RBMS3: variants seen among roughly 807,000 people sequenced by gnomAD.
RBMS3 encodes RNA-binding motif, single-stranded-interacting protein 3.
RBMS3 carries 27 observed loss-of-function variants against 66.8 expected under a neutral mutation model. That is an observed-to-expected ratio of 0.40 (90% CI 0.30 to 0.56). The LOEUF (loss-of-function observed/expected upper bound fraction) is 0.56. RBMS3 is among the 20% of genes least tolerant of loss of function. The pLI is 0.40. For synonymous variants in RBMS3, 188 were observed against 183.0 expected, an observed-to-expected ratio of 1.03 and a Z score of -0.22; for missense variants, 513 against 549.5, an observed-to-expected ratio of 0.93 and a Z score of 0.66.
intron 4 of RBMS3, among the ~76,000 whole-genome samples, chr3:29,697,823 A>T (rs2052349651): frequency 1.3e-5 from 2 of 152,186 alleles, no homozygotes; most frequent in Admixed American, 1.3e-4. Flanking sequence ...GGAATTTTGC[A>T]GTTGTGCATC....
intron 4 of RBMS3, among the ~76,000 whole-genome samples, chr3:29,721,324 G>T (rs1266091566): frequency 2.6e-5 from 4 of 151,932 alleles, no homozygotes; most frequent in African/African-American, 9.7e-5. Context: ...ATTTATATAA[G>T]ATATATATGA....
chr3:29,879,381 AT>A (rs908281168), intron 7 of RBMS3, among the ~76,000 whole-genome samples: 3 of 152,100 alleles, frequency 2.0e-5, no homozygotes, highest in Non-Finnish European at 4.4e-5. Context: ...TTTTTATTGA[AT>A]TTTTAATCTT....
intron 6 of RBMS3, among the ~76,000 whole-genome samples, chr3:29,860,727 T>C (rs950876695): frequency 2.0e-4 from 31 of 152,228 alleles, no homozygotes; most frequent in Admixed American, 1.5e-3. Context: ...AAATAAAAGA[T>C]GGACTGTGTT....
chr3:29,635,862 C>T (rs2049453288), intron 4 of RBMS3, among the ~76,000 whole-genome samples: 1 of 151,764 alleles, frequency 6.6e-6, no homozygotes. Context: ...AATCCATGTC[C>T]CAAATCTCCT....
Position 29,991,259 on chromosome 3 carries a change from C to T in RBMS3, c.1307+50C>T, listed in dbSNP as rs754124899. 7 of 1,612,262 alleles carry T rather than the reference C, an allele frequency of 4.3e-6. No individual in the cohort carries two copies. The African/African-American group carries it at 9.3e-5, about 22-fold the overall frequency. On this transcript the variant is annotated intron_variant, in intron 14 of 14. Transcript: ENST00000383767. ...TTTTCCTCAAGATCAGCCATCTTGA[C>T]ATCACTCTCTCATGTTGTATGTGTT...
chr3:29,652,582 G>A (rs2050184599), intron 4 of RBMS3, among the ~76,000 whole-genome samples: 1 of 151,996 alleles, frequency 6.6e-6, no homozygotes, highest in South Asian at 2.1e-4. Flanking sequence ...CATAGAATCA[G>A]AGACAAAATT....
chr3:29,855,472 T>G (rs1577003382), intron 6 of RBMS3, among the ~76,000 whole-genome samples: 1 of 152,314 alleles, frequency 6.6e-6, no homozygotes, highest in East Asian at 1.9e-4. Context: ...CTTCTTTGAT[T>G]ATGATTATTT....
At chr3:29,728,763 A>T (rs1465466562) in intron 4 of RBMS3, among the ~76,000 whole-genome samples, 4 of 151,986 alleles carry the variant, frequency 2.6e-5, no homozygotes, top group Non-Finnish European at 4.4e-5. Flanking sequence ...TCCTTCACTT[A>T]GACTGACAGA....
At chr3:29,670,470 T>C (rs1441997795) in intron 4 of RBMS3, among the ~76,000 whole-genome samples, 1 of 152,014 alleles carries the variant, frequency 6.6e-6, no homozygotes, top group African/African-American at 2.4e-5. Context: ...CACTCGGGAA[T>C]CACAAGGGGT....
intron 4 of RBMS3, among the ~76,000 whole-genome samples, chr3:29,719,627 G>A (rs953656949): frequency 6.6e-6 from 1 of 152,104 alleles, no homozygotes; most frequent in Admixed American, 6.6e-5. Context: ...ATTCAAAGTA[G>A]AGTTGTAGAT....
At chr3:29,329,835 CAT>C (rs988729577) in intron 1 of RBMS3, among the ~76,000 whole-genome samples, 5 of 147,222 alleles carry the variant, frequency 3.4e-5, no homozygotes, top group South Asian at 2.1e-4. Flanking sequence ...TTTTATAAAT[CAT>C]GTGAAAAATT....
At chr3:29,509,520 A>T (rs973742472) in intron 3 of RBMS3, among the ~76,000 whole-genome samples, 2 of 152,190 alleles carry the variant, frequency 1.3e-5, no homozygotes, top group Non-Finnish European at 2.9e-5. Context: ...GATTTGGGAT[A>T]TAAATTCAGG....
At chr3:29,873,430 G>A (rs903906899) in intron 7 of RBMS3, among the ~76,000 whole-genome samples, 8 of 152,066 alleles carry the variant, frequency 5.3e-5, no homozygotes, top group Non-Finnish European at 1.2e-4. Context: ...ATTTTTGTAC[G>A]TTGATTTTGT....
intron 10 of RBMS3, among the ~76,000 whole-genome samples, chr3:29,923,226 G>A (rs115223691): frequency 0.026 from 3,998 of 152,272 alleles, 160 homozygotes; most frequent in African/African-American, 0.083. Context: ...GGTCTTCAGT[G>A]AAGTCACAGG....
chr3:29,610,787 T>C (rs1479482389), intron 4 of RBMS3, among the ~76,000 whole-genome samples: 1 of 152,062 alleles, frequency 6.6e-6, no homozygotes, highest in Non-Finnish European at 1.5e-5. Context: ...CACCATATTT[T>C]TGAAGGAGAA....
At chr3:29,346,444 C>T (rs12496765) in intron 1 of RBMS3, among the ~76,000 whole-genome samples, 2,628 of 133,526 alleles carry the variant, frequency 0.02, 102 homozygotes, top group African/African-American at 0.07. Flanking sequence ...TGCTTTGTCG[C>T]CCAGGCTGGA....
At position 29,828,036 on chromosome 3, in the gene RBMS3, T is replaced by TTG. The variant is rs771641287; in HGVS notation, c.638-40812_638-40811dup. Among the ~76,000 whole-genome samples the TTG allele has an allele frequency of 3.3e-5, 5 of 151,818 alleles. No individual in the cohort carries two copies. In the East Asian group the frequency reaches 9.7e-4, roughly 30 times the overall value. ...TTTTGCTTCAGTAAGACCATTGACT[T>TTG]TGTGTGTGTGTATATGTTTGTGTGT... On this transcript the variant is annotated intron_variant, in intron 6 of 14. Coordinates refer to ENST00000383767, the MANE Select transcript of RBMS3 (RefSeq NM_001003793.3).
intron 5 of RBMS3, among the ~76,000 whole-genome samples, chr3:29,760,740 A>G (rs2055642988): frequency 6.6e-6 from 1 of 152,074 alleles, no homozygotes; most frequent in Non-Finnish European, 1.5e-5. Context: ...AGTTAGGAAA[A>G]TTGTACTTAG....
chr3:29,632,580 T>C (rs1265975274), intron 4 of RBMS3, among the ~76,000 whole-genome samples: 1 of 151,706 alleles, frequency 6.6e-6, no homozygotes, highest in Non-Finnish European at 1.5e-5. Context: ...GTGGGTCGCG[T>C]TTTTGATGAT....
Sources: allele counts gnomAD v4.1 joint callset (sites outside exome capture counted in the v4.1 genomes callset), GRCh38; gene constraint gnomAD v4.1.1; transcripts MANE v1.5; gene names NCBI Gene and HGNC (gene_info 2026-07-23, HGNC 2026-07-21).